HIF1AN: variants seen among roughly 807,000 people sequenced by gnomAD.
HIF1AN encodes the protein hypoxia inducible factor 1 subunit alpha inhibitor.
A neutral mutation model predicts 47.7 loss-of-function variants in HIF1AN; 21 were observed. The observed-to-expected ratio is 0.44, with a 90% CI of 0.31 to 0.63. HIF1AN has a LOEUF of 0.63. Among genes scored for constraint, HIF1AN ranks in the 30% least tolerant of loss-of-function variants. The probability of loss-of-function intolerance (pLI) is 0.07; values close to 1 mark genes in which losing one functional copy is unlikely to be tolerated. For missense variants in HIF1AN, 320 were observed against 432.7 expected (o/e 0.74, Z 2.31); for synonymous variants, 152 against 155.9 (o/e 0.98, Z 0.18).
rs143348519 is a variant in HIF1AN at position 100,555,727 on chromosome 10, T to C, written c.*7590T>C. The C allele has an allele frequency of 4.1e-4, 63 of 152,408 alleles. No individual in the cohort carries two copies. Among genetic ancestry groups the C allele is most frequent in the African/African-American group, 1.5e-3 (62 of 41,574 alleles). The allele number at this position is 152,408 out of a possible 1,614,324, so 9.4% of individuals were successfully genotyped here. A position where few individuals can be genotyped will look rare whatever the true frequency, so the allele number is the denominator to read the frequency against. ...GGCTCTGGGCCTTGGAAACCTTCTC[T>C]TTGGCTCTAGCTAATTTTGCTGTTT... On this transcript the variant is annotated 3_prime_UTR_variant, in exon 8 of 8. Transcript: ENST00000299163.
chr10:100,541,449 A>G (rs1243211431), intron 3 of HIF1AN, among the ~76,000 whole-genome samples: 2 of 152,116 alleles, frequency 1.3e-5, no homozygotes, highest in African/African-American at 4.8e-5. Context: ...ATAGTTGTGA[A>G]GTTGTGAAGA....
intron 1 of HIF1AN, 44 bp downstream of exon 1, chr10:100,536,179 C>T (rs1344188145): frequency 3.9e-6 from 6 of 1,537,148 alleles, no homozygotes; most frequent in African/African-American, 2.7e-5. Flanking sequence ...GGAAGGTACC[C>T]GGTTGAGAGG....
At position 100,536,494 on chromosome 10, in the gene HIF1AN, T is replaced by C. The variant is rs1852223329; in HGVS notation, c.261T>C (p.Asn87=). The C allele has an allele frequency of 1.9e-6, 3 of 1,614,128 alleles. No homozygotes were observed. The highest frequency in any genetic ancestry group is 2.5e-6 in the Non-Finnish European group (3 of 1,180,026). The change falls in exon 2 of 8, where the codon AAT becomes AAC. Residue 87 remains asparagine (N), a synonymous_variant. Coordinates refer to ENST00000299163, the MANE Select transcript of HIF1AN (RefSeq NM_017902.3). ...DLEYLQENIG[N]GDFSVYSAST... The stretch of plus-strand genomic sequence containing the variant: ...AATACCTGCAAGAGAATATTGGCAA[T>C]GGAGACTTCTCTGTGTACAGTGCCA...
At position 100,553,879 on chromosome 10, in the gene HIF1AN, C is replaced by T. The variant is rs1200351852; in HGVS notation, c.*5742C>T. 2 of 152,174 alleles carry T rather than the reference C, an allele frequency of 1.3e-5. No individual in the cohort carries two copies. Among genetic ancestry groups the T allele is most frequent in the Non-Finnish European group, 2.9e-5 (2 of 68,038 alleles). The allele number at this position is 152,174 out of a possible 1,614,324, so 9.4% of individuals were successfully genotyped here. A position where few individuals can be genotyped will look rare whatever the true frequency, so the allele number is the denominator to read the frequency against. ...TGTTTGTAAAGCTTTAGCACAGTGCCTGGCAAGCACTTAATAAATGGCTGT... is the reference window on the plus strand; with the variant it reads ...TGTTTGTAAAGCTTTAGCACAGTGCTTGGCAAGCACTTAATAAATGGCTGT... On this transcript the variant is annotated 3_prime_UTR_variant, in exon 8 of 8. Coordinates refer to ENST00000299163, the MANE Select transcript of HIF1AN (RefSeq NM_017902.3).
At chr10:100,548,037 C>T in intron 7 of HIF1AN, 56 bp from the exon 8 acceptor site, 1 of 1,556,092 alleles carries the variant, frequency 6.4e-7, no homozygotes, top group Non-Finnish European at 8.9e-7. Flanking sequence ...ACACCCTGTC[C>T]AATTCCAGGG....
intron 4 of HIF1AN, 49 bp downstream of exon 4, chr10:100,545,145 TG>T (rs772781181): frequency 6.3e-7 from 1 of 1,578,320 alleles, no homozygotes; most frequent in South Asian, 1.1e-5. Flanking sequence ...ATTCTAGTAA[TG>T]CCTAGGCTGG....
chr10:100,543,068 C>G (rs1255364104), intron 3 of HIF1AN, among the ~76,000 whole-genome samples: 2 of 152,128 alleles, frequency 1.3e-5, no homozygotes, highest in Non-Finnish European at 2.9e-5. Flanking sequence ...CACCACTTAG[C>G]TCCTTGGTTT....
In HIF1AN at chr10:100,548,724, G is replaced by C. The variant is rs1310751196; in HGVS notation, c.*587G>C. On this transcript the variant is annotated 3_prime_UTR_variant, in exon 8 of 8. Coordinates refer to ENST00000299163, the MANE Select transcript of HIF1AN (RefSeq NM_017902.3). ...GGAATGGCTACCGGGACTCTAATGG[G>C]GTGAAAGAGAGGGGAGGCTTGCCTT... 1.3e-5 allele frequency: 2 copies of C among 152,806 alleles called. No homozygotes were observed. The highest frequency in any genetic ancestry group is 4.8e-5 in the African/African-American group (2 of 41,408). 9.5% of individuals were successfully genotyped at this position (152,806 alleles called of 1,614,324 possible). A position where few individuals can be genotyped will look rare whatever the true frequency, so the allele number is the denominator to read the frequency against.
rs1375038614 is a variant in HIF1AN at position 100,547,167 on chromosome 10, T to C, written c.922T>C (p.Tyr308His). 1 of 1,613,768 alleles carries C rather than the reference T, an allele frequency of 6.2e-7. No individual in the cohort carries two copies. The highest frequency in any genetic ancestry group is 8.5e-7 in the Non-Finnish European group (1 of 1,179,782). The change falls in exon 7 of 8, where the codon TAT becomes CAT. Residue 308 changes from tyrosine (Y) to histidine (H), a missense_variant. Coordinates refer to ENST00000299163, the MANE Select transcript of HIF1AN (RefSeq NM_017902.3). Reference sequence around the variant, plus strand: ...GGCTCCCACCCCTAAGAGAATTGAATATCCTCTCAAAGCTCATCAGAAAGT... The same window carrying C: ...GGCTCCCACCCCTAAGAGAATTGAACATCCTCTCAAAGCTCATCAGAAAGT... ...KGAPTPKRIE[Y>H]PLKAHQKVAI... is the part of the protein sequence containing the mutation.
rs1843121860 is a variant in HIF1AN at position 100,548,796 on chromosome 10, C to T, written c.*659C>T. On this transcript the variant is annotated 3_prime_UTR_variant, in exon 8 of 8. Coordinates refer to ENST00000299163, the MANE Select transcript of HIF1AN (RefSeq NM_017902.3). The stretch of plus-strand genomic sequence containing the variant: ...TGTGAGAGAGGATTAGATAGGGTTC[C>T]AACTGGGCCTACAAGCTCAAGCCAT... 6.6e-6 allele frequency: 1 copy of T among 152,572 alleles called. No individual in the cohort carries two copies. Among genetic ancestry groups the T allele is most frequent in the African/African-American group, 2.4e-5 (1 of 41,406 alleles). 9.5% of individuals were successfully genotyped at this position (152,572 alleles called of 1,614,324 possible).
chr10:100,536,760 T>G, intron 2 of HIF1AN, 99 bp downstream of exon 2: 3 of 1,320,292 alleles, frequency 2.3e-6, no homozygotes, highest in Non-Finnish European at 3.2e-6. Flanking sequence ...AATTAGAGAT[T>G]GGCCTCTCCC....
Position 100,549,063 on chromosome 10 carries a change from TGCGTGTGTGTGTGTGTGTCC to T in HIF1AN, c.*928_*947del, listed in dbSNP as rs771674928. 25,372 of 143,332 alleles carry T rather than the reference TGCGTGTGTGTGTGTGTGTCC, an allele frequency of 0.18. 2,286 individuals are homozygous for T. Among genetic ancestry groups the T allele is most frequent in the South Asian group, 0.22 (1,033 of 4,698 alleles). 8.9% of individuals were successfully genotyped at this position (143,332 alleles called of 1,614,324 possible). On this transcript the variant is annotated 3_prime_UTR_variant, in exon 8 of 8. Transcript: ENST00000299163. ...CTCTGGGTGTGTGTGTGTGTGTGCG[TGCGTGTGTGTGTGTGTGTCC>T]GTGTGTGTGTGTGTGTGTGTCCACA...
At chr10:100,547,061 GA>G (rs1843101033) in intron 6 of HIF1AN, 78 bp from the exon 7 acceptor site, 2 of 1,025,058 alleles carry the variant, frequency 2.0e-6, no homozygotes. Context: ...TCTTAGAAGG[GA>G]GGATGGTACT....
At chr10:100,544,036 G>A (rs1843071402) in intron 3 of HIF1AN, among the ~76,000 whole-genome samples, 1 of 152,172 alleles carries the variant, frequency 6.6e-6, no homozygotes, top group Non-Finnish European at 1.5e-5. Context: ...CAGAGCTGGG[G>A]AAGATTGTCT....
At chr10:100,545,803 T>C in intron 4 of HIF1AN, 140 bp from the exon 5 acceptor site, 1 of 633,130 alleles carries the variant, frequency 1.6e-6, no homozygotes, top group Non-Finnish European at 2.8e-6. Context: ...TTCTGCTGGA[T>C]ATAAATTCCA....
intron 3 of HIF1AN, among the ~76,000 whole-genome samples, chr10:100,544,584 C>G (rs896606873): frequency 1.3e-5 from 2 of 152,194 alleles, no homozygotes; most frequent in African/African-American, 4.8e-5. Context: ...TTCTGTTTTG[C>G]TTTCCTTGAA....
Position 100,548,167 on chromosome 10 carries a change from T to C in HIF1AN, c.*30T>C, listed in dbSNP as rs1175823023. The C allele has an allele frequency of 3.8e-6, 6 of 1,590,072 alleles. No individual in the cohort carries two copies. In the African/African-American group the frequency reaches 8.1e-5, roughly 21 times the overall value. The stretch of plus-strand genomic sequence containing the variant: ...CCAGGGGTCAAGGCCTCCTGCCAGG[T>C]GACTGCTATCCCGTCCACACCGCTT... On this transcript the variant is annotated 3_prime_UTR_variant, in exon 8 of 8. Transcript: ENST00000299163.
At position 100,550,646 on chromosome 10, in the gene HIF1AN, A is replaced by G. The variant is rs1386803498; in HGVS notation, c.*2509A>G. 6.6e-6 allele frequency: 1 copy of G among 152,226 alleles called. No homozygotes were observed. The highest frequency in any genetic ancestry group is 2.4e-5 in the African/African-American group (1 of 41,448). The allele number at this position is 152,226 out of a possible 1,614,324, so 9.4% of individuals were successfully genotyped here. A position where few individuals can be genotyped will look rare whatever the true frequency, so the allele number is the denominator to read the frequency against. On this transcript the variant is annotated 3_prime_UTR_variant, in exon 8 of 8. Transcript: ENST00000299163. The stretch of plus-strand genomic sequence containing the variant: ...GTGAAAGTTCTTCTGGGCTCCTGCT[A>G]ACAAAGTCTTGGAAAAACTGCCTGG...
In HIF1AN at chr10:100,553,027, C is replaced by G. The variant is rs1472884989; in HGVS notation, c.*4890C>G. The G allele has an allele frequency of 6.6e-6, 1 of 152,196 alleles. No individual in the cohort carries two copies. 9.4% of individuals were successfully genotyped at this position (152,196 alleles called of 1,614,324 possible). ...ACCTCAGAAACGGGAAGTCTTGAGG[C>G]CTGGGGGCGTGTGGTCAGTGAGGCC... On this transcript the variant is annotated 3_prime_UTR_variant, in exon 8 of 8. Transcript: ENST00000299163.
Sources: allele counts gnomAD v4.1 joint callset (sites outside exome capture counted in the v4.1 genomes callset), GRCh38; gene constraint gnomAD v4.1.1; transcripts MANE v1.5; gene names NCBI Gene and HGNC (gene_info 2026-07-23, HGNC 2026-07-21).